TXNRD1: variants seen among roughly 807,000 people sequenced by gnomAD.
TXNRD1 encodes the protein thioredoxin reductase 1, cytoplasmic.
TXNRD1 carries 57 observed loss-of-function variants against 80.3 expected under a neutral mutation model. That is an observed-to-expected ratio of 0.71 (90% confidence interval 0.57 to 0.89). The LOEUF is 0.89. TXNRD1 is among the 40% of genes least tolerant of loss of function. The pLI, the probability that TXNRD1 is intolerant of heterozygous loss-of-function variation, is 0.00. For missense variants in TXNRD1, 730 were observed against 803.0 expected, an observed-to-expected ratio of 0.91 and a Z score of 1.10; for synonymous variants, 291 against 285.2, an observed-to-expected ratio of 1.02 and a Z score of -0.20.
At chr12:104,318,892 T>C (rs970208015) in intron 7 of TXNRD1, 21 bp from the exon 8 acceptor site, 2 of 1,584,932 alleles carry the variant, frequency 1.3e-6, no homozygotes, top group African/African-American at 2.7e-5. Context: ...AAACAAGATT[T>C]TGTTTTATTT....
intron 4 of TXNRD1, among the ~76,000 whole-genome samples, chr12:104,293,721 G>T (rs572221984): frequency 6.6e-5 from 10 of 152,322 alleles, no homozygotes; most frequent in South Asian, 2.1e-4. Flanking sequence ...ACGAGAGAGT[G>T]TAGAAATAAA....
intron 10 of TXNRD1, among the ~76,000 whole-genome samples, chr12:104,323,504 G>T (rs1326773475): frequency 4.1e-5 from 6 of 145,212 alleles, no homozygotes; most frequent in African/African-American, 1.5e-4. Flanking sequence ...CTCACCTCCC[G>T]GACGGGGCGG....
rs1565890420 is a variant in TXNRD1 at position 104,305,134 on chromosome 12, TGG to T, written c.415-6155_415-6154del. 3 of 531,052 alleles carry T rather than the reference TGG, an allele frequency of 5.6e-6. No homozygotes were observed. The South Asian group carries it at 1.5e-4, about 26-fold the overall frequency. The allele number at this position is 531,052 out of a possible 1,614,324, so 32.9% of individuals were successfully genotyped here. A position where few individuals can be genotyped will look rare whatever the true frequency, so the allele number is the denominator to read the frequency against. The stretch of plus-strand genomic sequence containing the variant: ...TCTTCTGTTATTAAAACAAATTCAC[TGG>T]CATATTTATGGGAACGTTTTATTGA... On this transcript the variant is annotated intron_variant, in intron 4 of 16. Coordinates refer to ENST00000525566, the MANE Select transcript of TXNRD1 (RefSeq NM_001093771.3).
intron 4 of TXNRD1, among the ~76,000 whole-genome samples, chr12:104,307,087 T>C (rs986666871): frequency 6.6e-6 from 1 of 152,142 alleles, no homozygotes; most frequent in Admixed American, 6.5e-5. Flanking sequence ...TTTTTACTGG[T>C]TGGCATGACA....
In TXNRD1 at chr12:104,304,921, A is replaced by G. The variant is rs775806781; in HGVS notation, c.415-6369A>G. The G allele has an allele frequency of 3.5e-5, 55 of 1,588,144 alleles. No homozygotes were observed. In the Middle Eastern group the frequency reaches 5.1e-4, roughly 15 times the overall value. ...TTGAAATTTCTGAGGCTATGATTAC[A>G]TACTCCTCATACTAAAGATTTCTTA... On this transcript the variant is annotated intron_variant, in intron 4 of 16. Transcript: ENST00000525566.
At chr12:104,348,235 T>G in intron 16 of TXNRD1, 118 bp from the exon 17 acceptor site, 1 of 821,000 alleles carries the variant, frequency 1.2e-6, no homozygotes, top group Non-Finnish European at 2.0e-6. Context: ...CTTCTCTGTT[T>G]TATTCATTTT....
chr12:104,225,853 G>A (rs940654092), intron 1 of TXNRD1, among the ~76,000 whole-genome samples: 2 of 151,800 alleles, frequency 1.3e-5, no homozygotes, highest in African/African-American at 4.8e-5. Context: ...AAAATAAGCA[G>A]TTGAAATAAA....
chr12:104,307,178 GA>G (rs2034950992), intron 4 of TXNRD1, among the ~76,000 whole-genome samples: 1 of 152,096 alleles, frequency 6.6e-6, no homozygotes, highest in South Asian at 2.1e-4. Flanking sequence ...TTACCTTGAA[GA>G]AAAAAGGAGA....
chr12:104,258,080 G>T lies in TXNRD1; in HGVS notation c.304+1G>T, dbSNP rs2033294597. On this transcript the variant is annotated splice_donor_variant, in intron 3 of 16. Transcript: ENST00000525566. LOFTEE classifies it high-confidence loss of function. ...TTTGTGCTTGAACTTGATCAAACAG[G>T]TAAGTTTCTGTTTAATATGTAAATC... 6.5e-7 allele frequency: 1 copy of T among 1,540,706 alleles called. No individual in the cohort carries two copies. Among genetic ancestry groups the T allele is most frequent in the African/African-American group, 1.4e-5 (1 of 73,122 alleles).
chr12:104,268,736 C>T (rs1228254548), intron 3 of TXNRD1, among the ~76,000 whole-genome samples: 2 of 151,936 alleles, frequency 1.3e-5, no homozygotes, highest in East Asian at 2.0e-4. Flanking sequence ...AGGCTGGTCT[C>T]GAACTCCTGA....
Position 104,319,513 on chromosome 12 carries a change from G to C in TXNRD1, c.917G>C (p.Arg306Thr). The change falls in exon 9 of 17, where the codon AGA (arginine) becomes ACA (threonine). Residue 306 changes from arginine (R) to threonine (T), a missense_variant. Arg to Thr is a moderately conservative substitution (Grantham distance 71). Coordinates refer to ENST00000525566, the MANE Select transcript of TXNRD1 (RefSeq NM_001093771.3). Reference protein sequence around the residue: ...KGKEKIYSAERFLIATGERPR... With the variant: ...KGKEKIYSAETFLIATGERPR... The stretch of plus-strand genomic sequence containing the variant: ...AAAGAAAAAATTTATTCAGCAGAGA[G>C]ATTTCTCATTGCCACTGGTGAAAGA... 1 of 1,602,716 alleles carries C rather than the reference G, an allele frequency of 6.2e-7. No individual in the cohort carries two copies. The highest frequency in any genetic ancestry group is 8.5e-7 in the Non-Finnish European group (1 of 1,174,394).
intron 16 of TXNRD1, among the ~76,000 whole-genome samples, chr12:104,341,321 TA>T (rs1413822894): frequency 6.6e-6 from 1 of 152,020 alleles, no homozygotes; most frequent in Non-Finnish European, 1.5e-5. Context: ...ATTAAGAAGA[TA>T]AAAAAAATTG....
At chr12:104,276,571 A>G (rs2033762381) in intron 3 of TXNRD1, 2 of 151,882 alleles carry the variant, frequency 1.3e-5, no homozygotes, top group Admixed American at 1.3e-4. Context: ...AACACCTTAC[A>G]CTCCCTTTCT....
At chr12:104,302,492 T>G (rs2034670430) in intron 4 of TXNRD1, among the ~76,000 whole-genome samples, 1 of 128,788 alleles carries the variant, frequency 7.8e-6, no homozygotes, top group Admixed American at 7.6e-5. Context: ...TTCCCTTTTT[T>G]TTTTTTTTTT....
rs1044103679 is a variant in TXNRD1, at chr12:104,349,430, T to C, written c.*1009T>C. 3 of 152,670 alleles carry C rather than the reference T, an allele frequency of 2.0e-5. No individual in the cohort carries two copies. Among genetic ancestry groups the C allele is most frequent in the African/African-American group, 7.2e-5 (3 of 41,460 alleles). 9.5% of individuals were successfully genotyped at this position (152,670 alleles called of 1,614,324 possible). On this transcript the variant is annotated 3_prime_UTR_variant, in exon 17 of 17. Transcript: ENST00000525566. ...TCATGCTTATGATTTAGCTGTTTTG[T>C]GGTAATTGCTTTTTAAAGGAAGTTA... is the stretch of plus-strand genomic sequence containing the variant.
In TXNRD1 at chr12:104,256,703, C is replaced by T. The variant is rs555895786; in HGVS notation, c.244-1316C>T. On this transcript the variant is annotated intron_variant, in intron 2 of 16. Transcript: ENST00000525566. Reference sequence around the variant, plus strand: ...CTGAGGCAGGAGACTCGCCTGAACCCGGGGAGGCAGAGATTGCAGTGAGCC... The same window carrying T: ...CTGAGGCAGGAGACTCGCCTGAACCTGGGGAGGCAGAGATTGCAGTGAGCC... Among the ~76,000 whole-genome samples, 72 of 144,424 alleles carry T rather than the reference C, an allele frequency of 5.0e-4. 3 individuals are homozygous for T. The South Asian group carries it at 8.2e-3, about 16-fold the overall frequency. 94.7% of individuals were successfully genotyped at this position (144,424 alleles called of 152,430 possible).
chr12:104,325,470 AT>A, intron 11 of TXNRD1, 41 bp downstream of exon 11: 5 of 1,413,606 alleles, frequency 3.5e-6, no homozygotes, highest in Non-Finnish European at 5.0e-6. Flanking sequence ...CAGAAAGCAA[AT>A]AACATGCTTA....
intron 1 of TXNRD1, among the ~76,000 whole-genome samples, chr12:104,232,323 G>A (rs940551818): frequency 6.6e-6 from 1 of 152,118 alleles, no homozygotes; most frequent in African/African-American, 2.4e-5. Flanking sequence ...AACACTTTGG[G>A]AGGCCGAGGT....
chr12:104,294,016 G>T (rs1419731796), intron 4 of TXNRD1, among the ~76,000 whole-genome samples: 2 of 152,156 alleles, frequency 1.3e-5, no homozygotes, highest in African/African-American at 4.8e-5. Context: ...ACACATCAGG[G>T]ACTATTAGTA....
Sources: allele counts gnomAD v4.1 joint callset (sites outside exome capture counted in the v4.1 genomes callset), GRCh38; gene constraint gnomAD v4.1.1; transcripts MANE v1.5; gene names NCBI Gene and HGNC (gene_info 2026-07-23, HGNC 2026-07-21).